Variants in ELOVL6 observed in about 807,000 individuals in gnomAD.
ELOVL6 encodes the protein ELOVL fatty acid elongase 6.
A neutral mutation model predicts 31.7 loss-of-function variants in ELOVL6; 8 were observed. The observed-to-expected ratio is 0.25, with a 90% confidence interval of 0.15 to 0.45. The LOEUF is 0.45. Ranked by LOEUF, ELOVL6 falls within the 20% of genes least tolerant of loss-of-function variation. The pLI is 1.00. For missense variants in ELOVL6, 126 were observed against 326.4 expected (o/e 0.39, Z 4.73); for synonymous variants, 101 against 117.7 (o/e 0.86, Z 0.92).
intron 1 of ELOVL6, among the ~76,000 whole-genome samples, chr4:110,185,798 T>C (rs1187636141): frequency 6.6e-6 from 1 of 152,030 alleles, no homozygotes; most frequent in African/African-American, 2.4e-5. Context: ...CAAGTCAGTA[T>C]GTAGAAATAC....
At chr4:110,071,011 CT>C (rs1423913109) in intron 2 of ELOVL6, among the ~76,000 whole-genome samples, 1 of 152,106 alleles carries the variant, frequency 6.6e-6, no homozygotes, top group Non-Finnish European at 1.5e-5. Context: ...TGTATAGAGT[CT>C]TCCCCCAACC....
At chr4:110,146,426 G>A (rs1429279957) in intron 1 of ELOVL6, 2 of 152,240 alleles carry the variant, frequency 1.3e-5, no homozygotes, top group African/African-American at 4.8e-5. Flanking sequence ...CAAATCAAGA[G>A]GCTCAAATCT....
At chr4:110,122,454 A>G (rs1757381968) in intron 1 of ELOVL6, among the ~76,000 whole-genome samples, 1 of 152,098 alleles carries the variant, frequency 6.6e-6, no homozygotes, top group Non-Finnish European at 1.5e-5. Context: ...CAGTGGCACA[A>G]TCTCAGCTCA....
chr4:110,130,085 A>T (rs1757625920), intron 1 of ELOVL6, among the ~76,000 whole-genome samples: 1 of 151,662 alleles, frequency 6.6e-6, no homozygotes, highest in African/African-American at 2.4e-5. Context: ...TTTAGTAGAG[A>T]TGGGGTTTCA....
intron 1 of ELOVL6, among the ~76,000 whole-genome samples, chr4:110,163,529 A>G (rs1288396883): frequency 6.6e-6 from 1 of 152,226 alleles, no homozygotes; most frequent in Non-Finnish European, 1.5e-5. Context: ...AGTCACTGAA[A>G]TTTAACAGTT....
In ELOVL6 at chr4:110,084,003, C is replaced by A. The variant is rs1256310151; in HGVS notation, c.221+21494G>T. Among the ~76,000 whole-genome samples, 136 of 8,854 alleles carry A rather than the reference C, an allele frequency of 0.015. 17 individuals carry two copies. The East Asian group carries it at 0.24, about 16-fold the overall frequency. The allele number at this position is 8,854 out of a possible 152,430, so 5.8% of individuals were successfully genotyped here. ...TGCCATATACGATATATAACATATGCCATATATGGTATATAACATATGCCA... is the reference window on the plus strand; with the variant it reads ...TGCCATATACGATATATAACATATGACATATATGGTATATAACATATGCCA... On this transcript the variant is annotated intron_variant, in intron 2 of 3. Coordinates refer to ENST00000302274, the MANE Select transcript of ELOVL6 (RefSeq NM_024090.3).
upstream of ELOVL6, chr4:110,198,749 T>A (rs1433470475): frequency 5.9e-6 from 1 of 169,942 alleles, no homozygotes; most frequent in Non-Finnish European, 1.3e-5. Context: ...GGGGGGACAG[T>A]TTTGTTTACA....
At position 110,159,974 on chromosome 4, in the gene ELOVL6, G is replaced by A. The variant is rs1025968482; in HGVS notation, c.89+38273C>T. Among the ~76,000 whole-genome samples, 31 of 152,138 alleles carry A rather than the reference G, an allele frequency of 2.0e-4. 1 individual carries two copies. The highest frequency in any genetic ancestry group is 7.0e-4 in the African/African-American group (29 of 41,492). ...TTTCTATTCATGTCGTTATTATTGA[G>A]CTATATTTTTCTTATGGATTGGTAC... On this transcript the variant is annotated intron_variant, in intron 1 of 3. Coordinates refer to ENST00000302274, the MANE Select transcript of ELOVL6 (RefSeq NM_024090.3).
chr4:110,112,109 T>A (rs1442433537), intron 1 of ELOVL6, among the ~76,000 whole-genome samples: 1 of 151,674 alleles, frequency 6.6e-6, no homozygotes, highest in Non-Finnish European at 1.5e-5. Flanking sequence ...GATAGAGAAC[T>A]GCTGGATGAA....
At position 110,185,995 on chromosome 4, in the gene ELOVL6, C is replaced by G. The variant is rs887236633; in HGVS notation, c.89+12252G>C. Among the ~76,000 whole-genome samples, 15 of 152,030 alleles carry G rather than the reference C, an allele frequency of 9.9e-5. No individual in the cohort carries two copies. The East Asian group carries it at 2.7e-3, about 28-fold the overall frequency. ...TCACAAGGTCAGGAGTTCGAGACCA[C>G]CCTGGCTAACATGGTGAAACCCTGT... On this transcript the variant is annotated intron_variant, in intron 1 of 3. Transcript: ENST00000302274.
rs767167884 is a variant in ELOVL6, at chr4:110,078,663, A to G, written c.222-18909T>C. ...CCAAATTGTAAAGACCATTGAGGCT[A>G]GGAAGAAACTGCATCAACTAATGAG... is the stretch of plus-strand genomic sequence containing the variant. On this transcript the variant is annotated intron_variant, in intron 2 of 3. Transcript: ENST00000302274. Among the ~76,000 whole-genome samples the G allele has an allele frequency of 3.3e-4, 50 of 152,226 alleles. 1 individual carries two copies. The highest frequency in any genetic ancestry group is 1.0e-3 in the African/African-American group (43 of 41,462).
At chr4:110,065,837 C>T (rs983440675) in intron 2 of ELOVL6, among the ~76,000 whole-genome samples, 11 of 152,184 alleles carry the variant, frequency 7.2e-5, no homozygotes, top group Admixed American at 2.0e-4. Context: ...ATCATCAATA[C>T]TTTATTTTCA....
At chr4:110,111,945 G>A (rs147302075) in intron 1 of ELOVL6, among the ~76,000 whole-genome samples, 1 of 152,304 alleles carries the variant, frequency 6.6e-6, no homozygotes, top group East Asian at 1.9e-4. Context: ...CCAGTAATTT[G>A]TTACTACTAA....
At chr4:110,059,923 C>T in intron 2 of ELOVL6, 169 bp from the exon 3 acceptor site, 1 of 592,796 alleles carries the variant, frequency 1.7e-6, no homozygotes, top group South Asian at 2.5e-5. Context: ...AGAGCTAATA[C>T]AATGACTCAA....
intron 2 of ELOVL6, among the ~76,000 whole-genome samples, chr4:110,078,229 A>G (rs1258937809): frequency 6.6e-6 from 1 of 152,222 alleles, no homozygotes; most frequent in Non-Finnish European, 1.5e-5. Flanking sequence ...TATTCAGGAA[A>G]TACAGAGAAC....
intron 1 of ELOVL6, among the ~76,000 whole-genome samples, chr4:110,174,555 T>C (rs1230761543): frequency 6.6e-6 from 1 of 152,196 alleles, no homozygotes; most frequent in Admixed American, 6.6e-5. Context: ...GTATCTCTTT[T>C]TGCCTGTGGC....
At chr4:110,064,687 C>G (rs1231240151) in intron 2 of ELOVL6, among the ~76,000 whole-genome samples, 1 of 151,926 alleles carries the variant, frequency 6.6e-6, no homozygotes, top group Non-Finnish European at 1.5e-5. Context: ...GGGGTCTCAT[C>G]ATCTTGCCCA....
chr4:110,188,512 T>C (rs983430616), intron 1 of ELOVL6, among the ~76,000 whole-genome samples: 1 of 152,160 alleles, frequency 6.6e-6, no homozygotes, highest in Non-Finnish European at 1.5e-5. Context: ...GATTCCTACA[T>C]GCAAATCCCA....
chr4:110,076,343 A>T (rs570802530), intron 2 of ELOVL6, among the ~76,000 whole-genome samples: 9 of 152,312 alleles, frequency 5.9e-5, no homozygotes, highest in Admixed American at 5.2e-4. Context: ...ACTGTATATA[A>T]CTGTACAGTT....
Sources: allele counts gnomAD v4.1 joint callset (sites outside exome capture counted in the v4.1 genomes callset), GRCh38; gene constraint gnomAD v4.1.1; transcripts MANE v1.5; gene names NCBI Gene and HGNC (gene_info 2026-07-23, HGNC 2026-07-21).